Variants in PDSS2 observed in about 807,000 individuals in gnomAD.
PDSS2 encodes decaprenyl diphosphate synthase subunit 2, also known as all trans-polyprenyl-diphosphate synthase PDSS2.
In PDSS2, 31 loss-of-function variants were observed where a neutral mutation model predicts 44.5. The ratio of observed to expected loss-of-function variants is 0.70; its 90% CI spans 0.52 to 0.94. The LOEUF is 0.94. PDSS2 is among the 40% of genes least tolerant of loss of function. The pLI, the probability that PDSS2 is intolerant of heterozygous loss-of-function variation, is 0.00. For missense variants in PDSS2, 452 were observed against 482.2 expected, an observed-to-expected ratio of 0.94 and a Z score of 0.59; for synonymous variants, 157 against 180.3, an observed-to-expected ratio of 0.87 and a Z score of 1.03.
chr6:107,240,315 T>C (rs542933189), intron 4 of PDSS2, among the ~76,000 whole-genome samples: 35 of 151,922 alleles, frequency 2.3e-4, no homozygotes, highest in Non-Finnish European at 4.4e-4. Flanking sequence ...AGGCAAGGAC[T>C]GCTTGAGCCC....
Position 107,154,796 on chromosome 6 carries a change from A to C in PDSS2, c.1042-19T>G, listed in dbSNP as rs375212294. Reference sequence around the variant, plus strand: ...CTCGCAACTGTTAAGAAACAAATGCATGATAAAAGTCAGTTTTAAAGGTAC... The same window carrying C: ...CTCGCAACTGTTAAGAAACAAATGCCTGATAAAAGTCAGTTTTAAAGGTAC... On this transcript the variant is annotated intron_variant, in intron 7 of 7. Coordinates refer to ENST00000369037, the MANE Select transcript of PDSS2 (RefSeq NM_020381.4). 6.2e-7 allele frequency: 1 copy of C among 1,613,088 alleles called. No individual in the cohort carries two copies. The highest frequency in any genetic ancestry group is 8.5e-7 in the Non-Finnish European group (1 of 1,179,042).
intron 1 of PDSS2, among the ~76,000 whole-genome samples, chr6:107,407,705 C>A (rs1453196194): frequency 6.6e-6 from 1 of 152,106 alleles, no homozygotes; most frequent in Non-Finnish European, 1.5e-5. Context: ...ACTAGCAGGT[C>A]TCTCTCTTTT....
At chr6:107,330,933 C>T (rs1304126484) in intron 2 of PDSS2, among the ~76,000 whole-genome samples, 1 of 152,142 alleles carries the variant, frequency 6.6e-6, no homozygotes. Flanking sequence ...CACTAGACAT[C>T]CACAGCACCA....
At chr6:107,204,349 C>A (rs932782734) in intron 6 of PDSS2, among the ~76,000 whole-genome samples, 1 of 152,134 alleles carries the variant, frequency 6.6e-6, no homozygotes, top group African/African-American at 2.4e-5. Context: ...CATTTTGCTT[C>A]TCCATTTATC....
chr6:107,216,247 C>T (rs375302524), intron 4 of PDSS2, among the ~76,000 whole-genome samples: 56 of 152,020 alleles, frequency 3.7e-4, no homozygotes, highest in African/African-American at 1.1e-3. Context: ...GGTGAGGGGG[C>T]GGATCACCTG....
intron 2 of PDSS2, among the ~76,000 whole-genome samples, chr6:107,332,785 A>T (rs956548849): frequency 6.6e-6 from 1 of 152,242 alleles, no homozygotes; most frequent in African/African-American, 2.4e-5. Context: ...TATAAGAACC[A>T]AATGGAATAG....
chr6:107,194,985 GGTTA>G (rs145190014), intron 6 of PDSS2, among the ~76,000 whole-genome samples: 281 of 152,014 alleles, frequency 1.8e-3, no homozygotes, highest in African/African-American at 6.1e-3. Context: ...TAACAACCAG[GGTTA>G]GTTTTTGCTG....
At chr6:107,371,185 TAA>T (rs35313213) in intron 1 of PDSS2, among the ~76,000 whole-genome samples, 71,669 of 148,744 alleles carry the variant, frequency 0.48, 18,971 homozygotes, top group Middle Eastern at 0.72. Context: ...TGTCTCAAAG[TAA>T]AAAAAAAAAA....
At chr6:107,248,959 C>G (rs1469742184) in intron 3 of PDSS2, among the ~76,000 whole-genome samples, 4 of 152,082 alleles carry the variant, frequency 2.6e-5, no homozygotes, top group Admixed American at 1.3e-4. Context: ...TTTTCAAAAC[C>G]ATTATGACTG....
intron 1 of PDSS2, 96 bp downstream of exon 1, chr6:107,458,894 C>G: frequency 9.4e-7 from 1 of 1,066,254 alleles, no homozygotes; most frequent in South Asian, 1.3e-5. Flanking sequence ...AGAGATAAAT[C>G]AGGAGCCAGT....
At chr6:107,244,636 C>T (rs1016819840) in intron 4 of PDSS2, among the ~76,000 whole-genome samples, 14 of 152,298 alleles carry the variant, frequency 9.2e-5, no homozygotes, top group Non-Finnish European at 1.9e-4. Context: ...CTCTGAACCA[C>T]CCAGAGTCCC....
At chr6:107,208,379 C>G (rs1582787314) in intron 6 of PDSS2, among the ~76,000 whole-genome samples, 1 of 145,950 alleles carries the variant, frequency 6.9e-6, no homozygotes, top group East Asian at 2.1e-4. Flanking sequence ...TCACTGCAAC[C>G]TCTACCTCCC....
chr6:107,174,315 C>T (rs532482605), intron 7 of PDSS2, among the ~76,000 whole-genome samples: 11 of 152,250 alleles, frequency 7.2e-5, no homozygotes, highest in African/African-American at 2.6e-4. Flanking sequence ...TAAAGTTTCT[C>T]GGAAGAAGAT....
intron 1 of PDSS2, among the ~76,000 whole-genome samples, chr6:107,367,924 T>A (rs1779009375): frequency 6.6e-6 from 1 of 151,950 alleles, no homozygotes; most frequent in Admixed American, 6.6e-5. Context: ...ATACTAGAAT[T>A]AATACATGAA....
chr6:107,445,962 C>G (rs1180671848), intron 1 of PDSS2, among the ~76,000 whole-genome samples: 1 of 152,196 alleles, frequency 6.6e-6, no homozygotes, highest in African/African-American at 2.4e-5. Context: ...TTCTCTCTCT[C>G]TCGTGCATGC....
At chr6:107,408,810 G>C (rs1780402171) in intron 1 of PDSS2, among the ~76,000 whole-genome samples, 1 of 152,130 alleles carries the variant, frequency 6.6e-6, no homozygotes, top group Non-Finnish European at 1.5e-5. Context: ...AAATGAATCA[G>C]AGAACCCTAA....
intron 2 of PDSS2, among the ~76,000 whole-genome samples, chr6:107,285,504 GA>G (rs970221490): frequency 1.3e-5 from 2 of 150,212 alleles, no homozygotes; most frequent in African/African-American, 2.4e-5. Context: ...GAAGAAGAAG[GA>G]AAAAAAAGTA....
intron 3 of PDSS2, among the ~76,000 whole-genome samples, chr6:107,246,336 C>A (rs1055379103): frequency 2.0e-5 from 3 of 151,928 alleles, no homozygotes; most frequent in African/African-American, 7.3e-5. Context: ...GAGTAGTTTG[C>A]ATAAAGCATC....
In PDSS2 at chr6:107,332,964, A is replaced by G. The variant is rs1450453016; in HGVS notation, c.431+1234T>C. Among the ~76,000 whole-genome samples the G allele has an allele frequency of 7.9e-5, 12 of 152,332 alleles. 1 individual carries two copies. The highest frequency in any genetic ancestry group is 5.2e-4 in the Admixed American group (8 of 15,298). Reference sequence around the variant, plus strand: ...TGGAGGAATGGGCATTTGTAGTCACAACAGTAATCATTTCGCTTGCTTGCT... The same window carrying G: ...TGGAGGAATGGGCATTTGTAGTCACGACAGTAATCATTTCGCTTGCTTGCT... On this transcript the variant is annotated intron_variant, in intron 2 of 7. Transcript: ENST00000369037.
Sources: allele counts gnomAD v4.1 joint callset (sites outside exome capture counted in the v4.1 genomes callset), GRCh38; gene constraint gnomAD v4.1.1; transcripts MANE v1.5; gene names NCBI Gene and HGNC (gene_info 2026-07-23, HGNC 2026-07-21).